Variants in TMEM161B observed in about 807,000 individuals in gnomAD.
TMEM161B encodes transmembrane protein 161B.
TMEM161B carries 34 observed loss-of-function variants against 61.8 expected under a neutral mutation model. The observed-to-expected ratio is 0.55, with a 90% confidence interval of 0.42 to 0.73. The LOEUF is 0.73. TMEM161B is among the 30% of genes least tolerant of loss of function. The pLI, the probability that TMEM161B is intolerant of heterozygous loss-of-function variation, is 0.00. For missense variants in TMEM161B, 456 were observed against 558.5 expected (o/e 0.82, Z 1.85); for synonymous variants, 167 against 192.8 (o/e 0.87, Z 1.11).
intron 8 of TMEM161B, 65 bp from the exon 9 acceptor site, chr5:88,203,140 C>A: frequency 1.0e-6 from 1 of 986,724 alleles, no homozygotes; most frequent in Non-Finnish European, 1.6e-6. Context: ...ACTACAGAAG[C>A]TGGGGTCTTA....
intron 1 of TMEM161B, among the ~76,000 whole-genome samples, chr5:88,255,951 C>G (rs1754931678): frequency 6.6e-6 from 1 of 151,988 alleles, no homozygotes; most frequent in Non-Finnish European, 1.5e-5. Flanking sequence ...AATACCAGCT[C>G]CAGACTTTCG....
chr5:88,195,917 G>A lies in TMEM161B; in HGVS notation c.*294C>T. ...GTTTCAAAGACTGCTGGAGGTTTCT[G>A]TAAACCAGGGTAATCAGAAATATTA... On this transcript the variant is annotated 3_prime_UTR_variant, in exon 12 of 12. Coordinates refer to ENST00000296595, the MANE Select transcript of TMEM161B (RefSeq NM_153354.5). 9.0e-7 allele frequency: 1 copy of A among 1,115,616 alleles called. No homozygotes were observed. Among genetic ancestry groups the A allele is most frequent in the South Asian group, 2.7e-5 (1 of 36,572 alleles). 69.1% of individuals were successfully genotyped at this position (1,115,616 alleles called of 1,614,324 possible). A position where few individuals can be genotyped will look rare whatever the true frequency, so the allele number is the denominator to read the frequency against.
intron 2 of TMEM161B, among the ~76,000 whole-genome samples, chr5:88,233,604 T>C (rs561780592): frequency 1.3e-5 from 2 of 152,264 alleles, no homozygotes; most frequent in East Asian, 3.9e-4. Context: ...CATTTTAAGA[T>C]CCCTTTGGTT....
intron 2 of TMEM161B, among the ~76,000 whole-genome samples, chr5:88,234,686 G>A (rs1373948137): frequency 6.6e-6 from 1 of 152,150 alleles, no homozygotes; most frequent in Non-Finnish European, 1.5e-5. Flanking sequence ...AAAGTCATTA[G>A]AATGTAGCAT....
chr5:88,214,771 G>A (rs1747506367), intron 5 of TMEM161B, among the ~76,000 whole-genome samples: 1 of 152,184 alleles, frequency 6.6e-6, no homozygotes, highest in African/African-American at 2.4e-5. Flanking sequence ...AGAGAAGATG[G>A]TTAGAATTAC....
rs375056579 is a variant in TMEM161B at position 88,233,528 on chromosome 5, A to G, written c.108-5000T>C. ...GATCATGCAAAGGCTAATAGGTCAT[A>G]GTATGGACTTCAGATTTTATGCTAA... On this transcript the variant is annotated intron_variant, in intron 2 of 11. Coordinates refer to ENST00000296595, the MANE Select transcript of TMEM161B (RefSeq NM_153354.5). Among the ~76,000 whole-genome samples the G allele has an allele frequency of 5.9e-5, 9 of 152,314 alleles. No homozygotes were observed. The East Asian group carries it at 7.7e-4, about 13-fold the overall frequency.
At chr5:88,221,829 G>C (rs1350837267) in intron 4 of TMEM161B, 1 of 445,498 alleles carries the variant, frequency 2.2e-6, no homozygotes, top group Non-Finnish European at 4.5e-6. Flanking sequence ...ATAATAAAAT[G>C]ATCTGCATTG....
At position 88,268,821 on chromosome 5, in the gene TMEM161B, G is replaced by A; in HGVS notation, c.-98C>T. 1 of 1,588,892 alleles carries A rather than the reference G, an allele frequency of 6.3e-7. No individual in the cohort carries two copies. Among genetic ancestry groups the A allele is most frequent in the South Asian group, 1.1e-5 (1 of 89,578 alleles). ...CCTTGAGCCGAGAGACTCTCAAACA[G>A]CGAAAGAGAGGGTCTTCCGGCTCTG... On this transcript the variant is annotated 5_prime_UTR_variant, in exon 1 of 12. Coordinates refer to ENST00000296595, the MANE Select transcript of TMEM161B (RefSeq NM_153354.5).
chr5:88,196,276 C>T lies in TMEM161B; in HGVS notation c.1399G>A (p.Ala467Thr), dbSNP rs1164884233. 1.9e-6 allele frequency: 3 copies of T among 1,612,952 alleles called. No homozygotes were observed. The highest frequency in any genetic ancestry group is 2.5e-6 in the Non-Finnish European group (3 of 1,179,402). ...GLLSFLTWWI[A>T]ACLFSTSLFG... is the part of the protein sequence containing the mutation. ...AGGCTTGTAGAAAAGAGGCAAGCAG[C>T]AATCCACCAGGTCAGAAAAGACAGA... is the stretch of plus-strand genomic sequence containing the variant. Residue 467 changes from alanine to threonine, a missense_variant, in exon 12 of 12, where the codon GCT (alanine) becomes ACT (threonine). Physicochemically the swap from Ala to Thr is moderately conservative, Grantham distance 58. Transcript: ENST00000296595.
At chr5:88,258,557 A>G (rs900371862) in intron 1 of TMEM161B, among the ~76,000 whole-genome samples, 1 of 152,192 alleles carries the variant, frequency 6.6e-6, no homozygotes. Flanking sequence ...GGTTCTAGTT[A>G]TGGAACACGA....
chr5:88,198,718 C>A, intron 10 of TMEM161B: 1 of 324,276 alleles, frequency 3.1e-6, no homozygotes. Flanking sequence ...TCCCATTTAG[C>A]AATATTAGGC....
chr5:88,243,529 C>T (rs1753089684), intron 1 of TMEM161B, among the ~76,000 whole-genome samples: 2 of 152,002 alleles, frequency 1.3e-5, no homozygotes, highest in African/African-American at 4.8e-5. Flanking sequence ...CATGTCTTTG[C>T]TATTGTGAAT....
intron 1 of TMEM161B, among the ~76,000 whole-genome samples, chr5:88,252,842 T>C (rs1754511926): frequency 6.6e-6 from 1 of 152,216 alleles, no homozygotes; most frequent in African/African-American, 2.4e-5. Flanking sequence ...TGTAAGAGTT[T>C]TGTCACTTAA....
intron 2 of TMEM161B, among the ~76,000 whole-genome samples, chr5:88,237,578 T>C (rs964937709): frequency 2.0e-5 from 3 of 152,076 alleles, no homozygotes; most frequent in African/African-American, 4.8e-5. Flanking sequence ...CACTGAGATT[T>C]TGGAAGTTGT....
intron 2 of TMEM161B, among the ~76,000 whole-genome samples, chr5:88,231,677 G>A (rs1428603027): frequency 6.6e-6 from 1 of 152,124 alleles, no homozygotes; most frequent in Admixed American, 6.5e-5. Context: ...AGGTAAGGAG[G>A]CACTTCCTGA....
chr5:88,208,361 A>T (rs189156767), intron 5 of TMEM161B, among the ~76,000 whole-genome samples: 14 of 152,334 alleles, frequency 9.2e-5, no homozygotes, highest in Admixed American at 8.5e-4. Flanking sequence ...GGGCGCCTGT[A>T]GTCATAGCTA....
intron 1 of TMEM161B, among the ~76,000 whole-genome samples, chr5:88,262,633 A>T (rs183880076): frequency 6.6e-6 from 1 of 152,292 alleles, no homozygotes; most frequent in Non-Finnish European, 1.5e-5. Context: ...CTTAAGTGAA[A>T]GAAGTTAATC....
At chr5:88,230,559 A>C (rs1750823317) in intron 2 of TMEM161B, among the ~76,000 whole-genome samples, 1 of 152,116 alleles carries the variant, frequency 6.6e-6, no homozygotes, top group South Asian at 2.1e-4. Context: ...CTCCAGATTC[A>C]CCTTCAACCA....
At chr5:88,266,482 G>A (rs956076150) in intron 1 of TMEM161B, among the ~76,000 whole-genome samples, 1 of 152,106 alleles carries the variant, frequency 6.6e-6, no homozygotes, top group Admixed American at 6.5e-5. Context: ...AAAATGTTGA[G>A]TAGTCATGGA....
Sources: gnomAD v4.1 joint callset for allele counts (sites outside exome capture counted in the v4.1 genomes callset) on GRCh38, gnomAD v4.1.1 for gene constraint, MANE v1.5 for transcripts, NCBI Gene and HGNC (gene_info 2026-07-23, HGNC 2026-07-21) for gene names.